The following FABP12 variants were observed in gnomAD, a reference collection of about 807,000 sequenced individuals.
FABP12 encodes fatty acid binding protein 12.
FABP12 carries 19 observed loss-of-function variants against 13.7 expected under a neutral mutation model. The observed-to-expected ratio is 1.39, with a 90% CI of 0.97 to 2.04. The LOEUF (loss-of-function observed/expected upper bound fraction) is 2.04. Ranked by LOEUF, FABP12 falls within the 30% of genes most tolerant of loss-of-function variation. FABP12 has a pLI of 0.00. For missense variants in FABP12, 182 were observed against 164.2 expected, an observed-to-expected ratio of 1.11 and a Z score of -0.59; for synonymous variants, 61 against 57.0, an observed-to-expected ratio of 1.07 and a Z score of -0.32.
intron 1 of FABP12, among the ~76,000 whole-genome samples, chr8:81,558,105 A>G (rs1283834234): frequency 6.6e-6 from 1 of 152,206 alleles, no homozygotes; most frequent in African/African-American, 2.4e-5. Flanking sequence ...GAGCATTATT[A>G]TTGGCAAATC....
intron 4 of FABP12, chr8:81,525,804 A>G (rs565126101): frequency 6.6e-6 from 1 of 152,220 alleles, no homozygotes; most frequent in Non-Finnish European, 1.5e-5. Flanking sequence ...CTAAATGATA[A>G]TACTAGCTTA....
intron 3 of FABP12, among the ~76,000 whole-genome samples, chr8:81,528,233 C>T (rs1808960030): frequency 6.6e-6 from 1 of 152,088 alleles, no homozygotes; most frequent in Admixed American, 6.6e-5. Context: ...GCACGCACCA[C>T]CACAGTGGCT....
chr8:81,574,790 G>A (rs111782542), intron 1 of FABP12, among the ~76,000 whole-genome samples: 2,650 of 152,096 alleles, frequency 0.017, 58 homozygotes, highest in African/African-American at 0.058. Context: ...CGTGTCAGTC[G>A]TAATACCTAC....
chr8:81,552,492 C>T (rs1385593865), intron 1 of FABP12, among the ~76,000 whole-genome samples: 1 of 152,102 alleles, frequency 6.6e-6, no homozygotes, highest in Non-Finnish European at 1.5e-5. Context: ...CATGTTCACT[C>T]AGGCTACTGG....
In FABP12 at chr8:81,557,657, A is replaced by G. The variant is rs554092915; in HGVS notation, c.-184-17914T>C. Among the ~76,000 whole-genome samples, 2 of 152,372 alleles carry G rather than the reference A, an allele frequency of 1.3e-5. 1 individual carries two copies. Among genetic ancestry groups the G allele is most frequent in the South Asian group, 4.1e-4 (2 of 4,832 alleles). On this transcript the variant is annotated intron_variant, in intron 1 of 5. Coordinates refer to the FABP12 transcript ENST00000692030. ...AATTAAAATCTTTAAGTGTTTTCTGAAACTACAGGGAACTCCTAGCTGACA... is the reference window on the plus strand; with the variant it reads ...AATTAAAATCTTTAAGTGTTTTCTGGAACTACAGGGAACTCCTAGCTGACA...
At position 81,526,979 on chromosome 8, in the gene FABP12, G is replaced by A. The variant is rs114393507; in HGVS notation, c.348+41C>T. ...AACAAGTTGTGATTTTATATTAGTC[G>A]TTGCAGAAGGTGGGAAGAAAGCGAG... On this transcript the variant is annotated intron_variant, in intron 4 of 4. Transcript: ENST00000360464. 1.8e-3 allele frequency: 1,975 copies of A among 1,124,592 alleles called. 18 individuals carry two copies. In the African/African-American group the frequency reaches 0.027, roughly 16 times the overall value. The allele number at this position is 1,124,592 out of a possible 1,614,324, so 69.7% of individuals were successfully genotyped here.
At position 81,563,341 on chromosome 8, in the gene FABP12, A is replaced by G. The variant is rs192785440; in HGVS notation, c.-184-23598T>C. Among the ~76,000 whole-genome samples the G allele has an allele frequency of 3.2e-3, 488 of 152,316 alleles. 8 individuals carry two copies. Among genetic ancestry groups the G allele is most frequent in the Non-Finnish European group, 4.9e-4 (33 of 68,034 alleles). On this transcript the variant is annotated intron_variant, in intron 1 of 5. Transcript: ENST00000692030. ...ATGGGTACAAACAAGCCCAGATTGC[A>G]AAGACTATAATAAATACCCAATTCT...
At chr8:81,561,549 C>A (rs938687142) in intron 1 of FABP12, among the ~76,000 whole-genome samples, 12 of 152,144 alleles carry the variant, frequency 7.9e-5, no homozygotes, top group Non-Finnish European at 1.8e-4. Flanking sequence ...CTGGTTTTAA[C>A]TTCATATCAC....
chr8:81,563,420 T>C (rs1809759054), intron 1 of FABP12, among the ~76,000 whole-genome samples: 2 of 152,008 alleles, frequency 1.3e-5, no homozygotes, highest in Non-Finnish European at 2.9e-5. Flanking sequence ...GCCAGGAAAA[T>C]ATGACCTCAC....
intron 1 of FABP12, among the ~76,000 whole-genome samples, chr8:81,544,203 T>G (rs1411457128): frequency 6.6e-6 from 1 of 152,166 alleles, no homozygotes; most frequent in Admixed American, 6.5e-5. Flanking sequence ...TTGTAACGAA[T>G]TAACGTTAAC....
intron 1 of FABP12, among the ~76,000 whole-genome samples, chr8:81,580,567 A>T (rs1810140808): frequency 6.6e-6 from 1 of 152,216 alleles, no homozygotes; most frequent in Admixed American, 6.5e-5. Context: ...CACAAAAAAA[A>T]AATAAAGGAA....
At chr8:81,557,959 C>A (rs1159914400) in intron 1 of FABP12, among the ~76,000 whole-genome samples, 1 of 152,192 alleles carries the variant, frequency 6.6e-6, no homozygotes, top group Non-Finnish European at 1.5e-5. Context: ...GGGCAGGAAG[C>A]CTGCCCAGGC....
chr8:81,555,849 T>C (rs1445810877), intron 1 of FABP12, among the ~76,000 whole-genome samples: 4 of 152,176 alleles, frequency 2.6e-5, no homozygotes, highest in Non-Finnish European at 4.4e-5. Context: ...GAAGGTTAAC[T>C]CAAGAGTGAC....
chr8:81,558,380 AG>A (rs1354487168), intron 1 of FABP12, among the ~76,000 whole-genome samples: 2 of 152,242 alleles, frequency 1.3e-5, no homozygotes, highest in East Asian at 1.9e-4. Context: ...GGTCTAGGAA[AG>A]GTAACAGTAG....
At chr8:81,555,673 A>T (rs923836315) in intron 1 of FABP12, among the ~76,000 whole-genome samples, 1 of 152,220 alleles carries the variant, frequency 6.6e-6, no homozygotes, top group Non-Finnish European at 1.5e-5. Flanking sequence ...TATCAATTCA[A>T]TTAAGGCAAC....
At chr8:81,525,107 T>C in exon 5 of FABP12, 1 of 1,584,152 alleles carries the variant, frequency 6.3e-7, no homozygotes, top group Non-Finnish European at 8.6e-7. Flanking sequence ...GATAACACTG[T>C]TCACAGTACT....
chr8:81,540,383 C>A (rs1809316807), intron 1 of FABP12, among the ~76,000 whole-genome samples: 1 of 152,188 alleles, frequency 6.6e-6, no homozygotes, highest in African/African-American at 2.4e-5. Context: ...ACCACAGGAT[C>A]AAGTTTAATA....
intron 1 of FABP12, among the ~76,000 whole-genome samples, chr8:81,575,886 C>T (rs1020689404): frequency 1.7e-4 from 26 of 152,148 alleles, no homozygotes; most frequent in African/African-American, 6.0e-4. Flanking sequence ...TTATGAGAAT[C>T]TAACTAATGC....
chr8:81,570,054 G>A (rs150034497), intron 1 of FABP12, among the ~76,000 whole-genome samples: 5,532 of 152,344 alleles, frequency 0.036, 153 homozygotes, highest in Non-Finnish European at 0.058. Context: ...GCCACGGGGC[G>A]GGCAGCTCCA....
Sources: allele counts gnomAD v4.1 joint callset (sites outside exome capture counted in the v4.1 genomes callset), GRCh38; gene constraint gnomAD v4.1.1; transcripts MANE v1.5; gene names NCBI Gene and HGNC (gene_info 2026-07-23, HGNC 2026-07-21).